SMAP1: variants seen among roughly 807,000 people sequenced by gnomAD.
SMAP1 encodes stromal membrane-associated protein 1.
SMAP1 carries 24 observed loss-of-function variants against 58.5 expected under a neutral mutation model. That is an observed-to-expected ratio of 0.41 (90% CI 0.30 to 0.58). The LOEUF (loss-of-function observed/expected upper bound fraction) is 0.58, where lower values mean the gene tolerates loss of function less well. Ranked by LOEUF, SMAP1 falls within the 20% of genes least tolerant of loss-of-function variation. The pLI is 0.29. For synonymous variants in SMAP1, 216 were observed against 196.6 expected (o/e 1.10, Z -0.82); for missense variants, 563 against 566.3 (o/e 0.99, Z 0.06).
At chr6:70,815,894 C>T (rs1429566849) in intron 6 of SMAP1, among the ~76,000 whole-genome samples, 2 of 151,950 alleles carry the variant, frequency 1.3e-5, no homozygotes, top group African/African-American at 4.8e-5. Flanking sequence ...TCTTAGGATG[C>T]CTGCAGTGTG....
At chr6:70,825,290 T>C (rs1242712632) in intron 6 of SMAP1, among the ~76,000 whole-genome samples, 1 of 152,182 alleles carries the variant, frequency 6.6e-6, no homozygotes, top group Admixed American at 6.5e-5. Context: ...AAGCCAGCCA[T>C]GTTCAGAGAT....
At chr6:70,850,024 T>A (rs1771125741) in intron 7 of SMAP1, among the ~76,000 whole-genome samples, 1 of 152,222 alleles carries the variant, frequency 6.6e-6, no homozygotes, top group South Asian at 2.1e-4. Context: ...AGTAATATGC[T>A]GTGTGTTGTT....
intron 1 of SMAP1, among the ~76,000 whole-genome samples, chr6:70,721,418 A>G (rs1270301541): frequency 6.6e-6 from 1 of 152,200 alleles, no homozygotes; most frequent in Non-Finnish European, 1.5e-5. Context: ...AGACCACTAC[A>G]GCCTGGACCT....
chr6:70,671,926 G>A (rs890569406), intron 1 of SMAP1, among the ~76,000 whole-genome samples: 1 of 152,244 alleles, frequency 6.6e-6, no homozygotes, highest in Admixed American at 6.5e-5. Flanking sequence ...GTTTAAATTG[G>A]TATGAAAGTG....
At chr6:70,856,648 A>G (rs1042816771) in intron 8 of SMAP1, 3 of 419,658 alleles carry the variant, frequency 7.1e-6, no homozygotes, top group Non-Finnish European at 1.3e-5. Flanking sequence ...GTCTACCTAC[A>G]TTAACAGATT....
At chr6:70,690,885 C>G (rs1486119728) in intron 1 of SMAP1, among the ~76,000 whole-genome samples, 1 of 151,076 alleles carries the variant, frequency 6.6e-6, no homozygotes, top group Non-Finnish European at 1.5e-5. Context: ...TTTTTTTTTC[C>G]CCTCAATTTC....
chr6:70,779,646 G>A (rs1398412329), intron 4 of SMAP1, among the ~76,000 whole-genome samples: 1 of 152,096 alleles, frequency 6.6e-6, no homozygotes, highest in Non-Finnish European at 1.5e-5. Context: ...TCTTGATGCT[G>A]CCATTTCGAG....
chr6:70,854,308 C>G (rs990611392), intron 8 of SMAP1, among the ~76,000 whole-genome samples: 1 of 152,188 alleles, frequency 6.6e-6, no homozygotes, highest in Admixed American at 6.5e-5. Context: ...TTCGTCTAAA[C>G]TTCATGTAGA....
At chr6:70,713,610 T>A (rs1660821752) in intron 1 of SMAP1, among the ~76,000 whole-genome samples, 1 of 152,226 alleles carries the variant, frequency 6.6e-6, no homozygotes. Flanking sequence ...ACAAGGTATT[T>A]GATGATATTA....
intron 1 of SMAP1, among the ~76,000 whole-genome samples, chr6:70,686,625 ATTC>A (rs1554189277): frequency 1.3e-5 from 2 of 152,230 alleles, no homozygotes; most frequent in Non-Finnish European, 2.9e-5. Context: ...CAGAAGTACA[ATTC>A]TTTTTGTATA....
At chr6:70,776,222 T>G (rs932114941) in intron 4 of SMAP1, among the ~76,000 whole-genome samples, 1 of 152,192 alleles carries the variant, frequency 6.6e-6, no homozygotes, top group Admixed American at 6.5e-5. Flanking sequence ...CTCGCTCTGT[T>G]GCCAGACTGG....
intron 2 of SMAP1, chr6:70,734,913 C>T (rs1160020096): frequency 6.5e-6 from 1 of 153,690 alleles, no homozygotes; most frequent in African/African-American, 2.4e-5. Context: ...GTTAATATGT[C>T]CACAAGAAAT....
chr6:70,768,704 C>A (rs889070501), intron 3 of SMAP1, among the ~76,000 whole-genome samples: 2 of 151,684 alleles, frequency 1.3e-5, no homozygotes, highest in Non-Finnish European at 2.9e-5. Context: ...AAAACCAGCT[C>A]CTGGATTCAT....
intron 5 of SMAP1, among the ~76,000 whole-genome samples, chr6:70,793,579 G>GTGTTTAGT (rs1768461091): frequency 6.6e-6 from 1 of 151,480 alleles, no homozygotes; most frequent in Non-Finnish European, 1.5e-5. Flanking sequence ...GAACATTGAG[G>GTGTTTAGT]TGTTTAGTAG....
At chr6:70,823,092 G>A (rs1372999234) in intron 6 of SMAP1, among the ~76,000 whole-genome samples, 1 of 151,962 alleles carries the variant, frequency 6.6e-6, no homozygotes, top group South Asian at 2.1e-4. Context: ...TTAAATTCAT[G>A]GTCTGATAAT....
Position 70,770,013 on chromosome 6 carries a change from G to C in SMAP1, c.339-3337G>C, listed in dbSNP as rs1767201723. Among the ~76,000 whole-genome samples, 3 of 151,750 alleles carry C rather than the reference G, an allele frequency of 2.0e-5. No individual in the cohort carries two copies. The South Asian group carries it at 6.2e-4, about 32-fold the overall frequency. ...ATTTTATTTCTCCTTCACTTATGAA[G>C]CTTAGTTTGGCTGGATATGAAATTC... is the stretch of plus-strand genomic sequence containing the variant. On this transcript the variant is annotated intron_variant, in intron 3 of 10. Coordinates refer to ENST00000370455, the MANE Select transcript of SMAP1 (RefSeq NM_001044305.3).
At position 70,769,160 on chromosome 6, in the gene SMAP1, T is replaced by G. The variant is rs544374637; in HGVS notation, c.339-4190T>G. ...ATCTTTTACATTTGCTGAGGAGAGC[T>G]TTACTTCCAACTATGTGGTCAATTT... On this transcript the variant is annotated intron_variant, in intron 3 of 10. Transcript: ENST00000370455. Among the ~76,000 whole-genome samples the G allele has an allele frequency of 1.5e-3, 225 of 152,320 alleles. 1 individual carries two copies. The highest frequency in any genetic ancestry group is 1.5e-3 in the Non-Finnish European group (102 of 68,034).
chr6:70,735,382 C>T (rs1250981074), intron 2 of SMAP1, among the ~76,000 whole-genome samples: 1 of 152,138 alleles, frequency 6.6e-6, no homozygotes, highest in Non-Finnish European at 1.5e-5. Context: ...GAGGCTGTTC[C>T]TATTAACTTT....
At chr6:70,720,583 C>G (rs1260218293) in intron 1 of SMAP1, among the ~76,000 whole-genome samples, 1 of 152,236 alleles carries the variant, frequency 6.6e-6, no homozygotes, top group East Asian at 1.9e-4. Flanking sequence ...CATGAGGACC[C>G]TGCCCCTGCA....
Sources: gnomAD v4.1 joint callset for allele counts (sites outside exome capture counted in the v4.1 genomes callset) on GRCh38, gnomAD v4.1.1 for gene constraint, MANE v1.5 for transcripts, NCBI Gene and HGNC (gene_info 2026-07-23, HGNC 2026-07-21) for gene names.